CHM: variants seen among roughly 807,000 people sequenced by gnomAD.
CHM encodes rab proteins geranylgeranyltransferase component A 1.
Under a neutral mutation model 49.0 loss-of-function variants are expected in CHM, and 10 were observed. The ratio of observed to expected loss-of-function variants is 0.20; its 90% confidence interval spans 0.13 to 0.35. The LOEUF (loss-of-function observed/expected upper bound fraction) is 0.35, where lower values mean the gene tolerates loss of function less well. Among genes scored for constraint, CHM ranks in the 10% least tolerant of loss-of-function variants. The pLI is 1.00. For missense variants in CHM, 455 were observed against 478.4 expected (o/e 0.95, Z 0.46); for synonymous variants, 184 against 167.5 (o/e 1.10, Z -0.76).
chrX:85,909,038 A>G (rs1926769844), intron 9 of CHM, among the ~76,000 whole-genome samples: 1 of 112,007 alleles, frequency 8.9e-6, no homozygotes, highest in Non-Finnish European at 1.9e-5. Context: ...ATTACTGCAG[A>G]GTCCATGTCA....
intron 12 of CHM, among the ~76,000 whole-genome samples, chrX:85,889,335 C>T (rs963458374): frequency 9.0e-5 from 10 of 111,512 alleles, no homozygotes; most frequent in Non-Finnish European, 1.9e-4. Context: ...AACTAATATC[C>T]AAAATCTATA....
chrX:85,884,285 C>T (rs1324491824), intron 12 of CHM, among the ~76,000 whole-genome samples: 3 of 111,023 alleles, frequency 2.7e-5, no homozygotes, highest in East Asian at 2.8e-4. Flanking sequence ...GATGCAATAA[C>T]GATGCTAACC....
Position 85,861,268 on chromosome X carries a change from A to C in CHM, c.*3362T>G, listed in dbSNP as rs1923337055. On this transcript the variant is annotated 3_prime_UTR_variant, in exon 15 of 15. Transcript: ENST00000357749. Reference sequence around the variant, plus strand: ...ATAATCATATATTCATGCTTTTTGAAATATATCTGAATAAAAGACAAATTA... The same window carrying C: ...ATAATCATATATTCATGCTTTTTGACATATATCTGAATAAAAGACAAATTA... 8.9e-6 allele frequency: 1 copy of C among 112,283 alleles called. No homozygotes were observed. 9.3% of individuals were successfully genotyped at this position (112,283 alleles called of 1,213,427 possible). A position where few individuals can be genotyped will look rare whatever the true frequency, so the allele number is the denominator to read the frequency against.
intron 1 of CHM, among the ~76,000 whole-genome samples, chrX:86,034,670 C>T (rs948454393): frequency 2.7e-5 from 3 of 111,148 alleles, no homozygotes; most frequent in African/African-American, 9.8e-5. Context: ...ATCCCAGGTA[C>T]TCGGGAGGCT....
chrX:85,937,201 G>A (rs985215806), intron 8 of CHM, among the ~76,000 whole-genome samples: 12 of 106,460 alleles, frequency 1.1e-4, no homozygotes, highest in Non-Finnish European at 1.9e-4. Context: ...GGGAGGCGGA[G>A]GCTGCAGTGA....
intron 4 of CHM, among the ~76,000 whole-genome samples, chrX:85,976,579 G>C (rs763712462): frequency 9.2e-6 from 1 of 108,300 alleles, no homozygotes; most frequent in East Asian, 2.9e-4. Context: ...CAGAGACCAC[G>C]CACCACTGCA....
rs140451548 is a variant in CHM at position 85,918,789 on chromosome X, G to A, written c.1167-7451C>T. 7.8e-3 allele frequency among the ~76,000 whole-genome samples: 871 copies of A among 111,467 alleles called. 6 individuals are homozygous for A. The highest frequency in any genetic ancestry group is 0.026 in the African/African-American group (793 of 30,662). The stretch of plus-strand genomic sequence containing the variant: ...AAAAATCATCAAAAAAGACAAAGAA[G>A]GGCATTACATAATGATAAAGGTTTC... On this transcript the variant is annotated intron_variant, in intron 8 of 14. Transcript: ENST00000357749.
At chrX:85,938,060 G>T (rs1043773835) in intron 8 of CHM, among the ~76,000 whole-genome samples, 1 of 111,586 alleles carries the variant, frequency 9.0e-6, no homozygotes, top group African/African-American at 3.3e-5. Context: ...AATAATGCAG[G>T]CAAGGACACA....
chrX:86,041,740 A>G (rs1416404592), intron 1 of CHM, among the ~76,000 whole-genome samples: 1 of 99,629 alleles, frequency 1.0e-5, no homozygotes, highest in Non-Finnish European at 2.0e-5. Flanking sequence ...ATATATATAT[A>G]TATATATATA....
At chrX:85,926,856 G>A (rs1218789830) in intron 8 of CHM, among the ~76,000 whole-genome samples, 1 of 111,209 alleles carries the variant, frequency 9.0e-6, no homozygotes, top group Non-Finnish European at 1.9e-5. Flanking sequence ...GATGAGAGCC[G>A]GTGATAAAAG....
In CHM at chrX:85,958,904, T is replaced by C. The variant is rs959807426; in HGVS notation, c.776A>G (p.Asn259Ser). The C allele has an allele frequency of 3.3e-6, 4 of 1,211,781 alleles. No individual in the cohort carries two copies. The highest frequency in any genetic ancestry group is 4.5e-6 in the Non-Finnish European group (4 of 895,425). Reference protein sequence around the residue: ...SNVSRYAEFKNITRILAFREG... With the variant: ...SNVSRYAEFKSITRILAFREG... ...TCGAAATGCAAGAATCCTGGTAATA[T>C]TTTTAAACTCTGCATATCGACTAAC... Residue 259 changes from asparagine (N) to serine (S), a missense_variant, in exon 6 of 15, where the codon AAT becomes AGT. Physicochemically the swap from Asn to Ser is conservative, Grantham distance 46. Transcript: ENST00000357749.
intron 8 of CHM, among the ~76,000 whole-genome samples, chrX:85,942,040 T>A (rs781427157): frequency 3.6e-5 from 4 of 111,456 alleles, no homozygotes; most frequent in Non-Finnish European, 7.5e-5. Context: ...CACAGAGAAG[T>A]TAAATAATTT....
chrX:85,915,549 C>A (rs926860516), intron 8 of CHM, among the ~76,000 whole-genome samples: 1 of 111,879 alleles, frequency 8.9e-6, no homozygotes, highest in Non-Finnish European at 1.9e-5. Context: ...ATCTAGAAAC[C>A]CCATAGTCTC....
chrX:85,892,663 G>A (rs754952131), intron 12 of CHM, among the ~76,000 whole-genome samples: 1 of 110,909 alleles, frequency 9.0e-6, no homozygotes, highest in Non-Finnish European at 1.9e-5. Context: ...ACTATAAAAG[G>A]AGAAATGGTC....
intron 2 of CHM, among the ~76,000 whole-genome samples, chrX:85,987,442 G>A (rs979085069): frequency 9.0e-6 from 1 of 111,697 alleles, no homozygotes; most frequent in South Asian, 3.8e-4. Flanking sequence ...GCTAAAAGTG[G>A]TCCTCTCAGC....
At chrX:85,950,662 T>C (rs781556676) in intron 8 of CHM, among the ~76,000 whole-genome samples, 21 of 111,454 alleles carry the variant, frequency 1.9e-4, no homozygotes, top group Admixed American at 1.3e-3. Flanking sequence ...GGCTGATAAA[T>C]TTCCAAAACA....
intron 2 of CHM, among the ~76,000 whole-genome samples, chrX:85,991,594 G>A (rs1932191115): frequency 9.0e-6 from 1 of 111,288 alleles, no homozygotes; most frequent in Non-Finnish European, 1.9e-5. Context: ...AATAAACTTG[G>A]AAAATGCTAG....
chrX:85,963,598 T>C, intron 5 of CHM, 67 bp downstream of exon 5: 2 of 945,676 alleles, frequency 2.1e-6, no homozygotes, highest in Non-Finnish European at 3.0e-6. Context: ...CTCAGAGAAT[T>C]ACAAAAACTG....
chrX:85,941,717 C>T (rs1002021169), intron 8 of CHM, among the ~76,000 whole-genome samples: 2 of 110,761 alleles, frequency 1.8e-5, no homozygotes, highest in Non-Finnish European at 3.8e-5. Context: ...ACCACGCGGC[C>T]TGCAATACCT....
Sources: allele counts gnomAD v4.1 joint callset (sites outside exome capture counted in the v4.1 genomes callset), GRCh38; gene constraint gnomAD v4.1.1; transcripts MANE v1.5; gene names NCBI Gene and HGNC (gene_info 2026-07-23, HGNC 2026-07-21).